SIPA1: variants seen among roughly 807,000 people sequenced by gnomAD.
The protein encoded by SIPA1 is signal-induced proliferation-associated 1.
A neutral mutation model predicts 88.1 loss-of-function variants in SIPA1; 51 were observed. The observed-to-expected ratio is 0.58, with a 90% confidence interval of 0.46 to 0.73. The LOEUF (loss-of-function observed/expected upper bound fraction) is 0.73. SIPA1 is among the 30% of genes least tolerant of loss of function. The probability of loss-of-function intolerance (pLI) is 0.00; values close to 1 mark genes in which losing one functional copy is unlikely to be tolerated. For missense variants in SIPA1, 1,348 were observed against 1,467.6 expected, an observed-to-expected ratio of 0.92 and a Z score of 1.33; for synonymous variants, 681 against 664.8, an observed-to-expected ratio of 1.02 and a Z score of -0.37.
In SIPA1 at chr11:65,641,390, G is replaced by A; in HGVS notation, c.469G>A (p.Asp157Asn). ...AGCCGAGGACCAGGCTGCCAGCTCG[G>A]ACCTGCTGCATGGGGCACCTGGCTT... ...ASAEDQAASSDLLHGAPGFVC... is the reference protein window; with the variant it reads ...ASAEDQAASSNLLHGAPGFVC... Residue 157 changes from aspartate to asparagine, a missense_variant, in exon 2 of 16, where the codon GAC (aspartate) becomes AAC (asparagine). Asp to Asn is a conservative substitution (Grantham distance 23, BLOSUM62 1). Coordinates refer to ENST00000534313, the MANE Select transcript of SIPA1 (RefSeq NM_006747.4). The A allele has an allele frequency of 1.9e-6, 3 of 1,613,234 alleles. No individual in the cohort carries two copies. The South Asian group carries it at 3.3e-5, about 18-fold the overall frequency.
chr11:65,640,892 C>T lies in SIPA1; in HGVS notation c.-30C>T. 1 of 1,458,292 alleles carries T rather than the reference C, an allele frequency of 6.9e-7. No homozygotes were observed. Among genetic ancestry groups the T allele is most frequent in the Non-Finnish European group, 9.0e-7 (1 of 1,114,204 alleles). 90.3% of individuals were successfully genotyped at this position (1,458,292 alleles called of 1,614,324 possible). A position where few individuals can be genotyped will look rare whatever the true frequency, so the allele number is the denominator to read the frequency against. Reference sequence around the variant, plus strand: ...AAACACCCGTGCCCGCCAATGCGGCCCAGCCCCCGGAGAGTCAGGCCCACA... The same window carrying T: ...AAACACCCGTGCCCGCCAATGCGGCTCAGCCCCCGGAGAGTCAGGCCCACA... On this transcript the variant is annotated 5_prime_UTR_variant, in exon 2 of 16. Transcript: ENST00000534313.
intron 4 of SIPA1, among the ~76,000 whole-genome samples, chr11:65,644,661 C>G (rs576836249): frequency 6.6e-6 from 1 of 151,916 alleles, no homozygotes; most frequent in East Asian, 1.9e-4. Flanking sequence ...GTGCAGAGGA[C>G]AGTCCAGCCT....
In SIPA1 at chr11:65,646,651, G is replaced by C; in HGVS notation, c.1617G>C (p.Leu539=). 6.5e-7 allele frequency: 1 copy of C among 1,548,224 alleles called. No homozygotes were observed. The highest frequency in any genetic ancestry group is 1.2e-5 in the South Asian group (1 of 84,780). ...TRTRQQYLQD[L]ATNEVTTTSL... Reference sequence around the variant, plus strand: ...CCCGCCAGCAGTACCTGCAAGACCTGGCCACCAACGAGGTGACCACTACGT... The same window carrying C: ...CCCGCCAGCAGTACCTGCAAGACCTCGCCACCAACGAGGTGACCACTACGT... Residue 539 remains leucine, a synonymous_variant, in exon 8 of 16, where the codon CTG becomes CTC. Transcript: ENST00000534313. This position sits in a 1 kb window ranked among gnomAD's most constrained non-coding sequence, Gnocchi z 7.5.
intron 4 of SIPA1, among the ~76,000 whole-genome samples, chr11:65,643,470 C>A (rs1856048560): frequency 6.6e-6 from 1 of 152,216 alleles, no homozygotes; most frequent in Non-Finnish European, 1.5e-5. Flanking sequence ...ATTTCTTAGA[C>A]CTTTTTGGTG....
intron 9 of SIPA1, among the ~76,000 whole-genome samples, chr11:65,648,518 T>C (rs1856183440): frequency 6.6e-6 from 1 of 152,204 alleles, no homozygotes; most frequent in African/African-American, 2.4e-5. Flanking sequence ...AAATATTCTT[T>C]TGATTTTTCC....
Position 65,643,850 on chromosome 11 carries a change from G to A in SIPA1, c.985-1105G>A, listed in dbSNP as rs150818718. On this transcript the variant is annotated intron_variant, in intron 4 of 15. Transcript: ENST00000534313. ...GGGGGAGAAGCTTGCATTTGTTCCCGTGGACACTGGGGAGCCATGGAGGGA... is the reference window on the plus strand; with the variant it reads ...GGGGGAGAAGCTTGCATTTGTTCCCATGGACACTGGGGAGCCATGGAGGGA... Among the ~76,000 whole-genome samples the A allele has an allele frequency of 9.8e-3, 1,497 of 152,252 alleles. 14 individuals carry two copies. The highest frequency in any genetic ancestry group is 0.015 in the Non-Finnish European group (1,011 of 68,010).
rs377679733 is a variant in SIPA1, at chr11:65,641,281, C to T, written c.360C>T (p.Asp120=). 9.3e-6 allele frequency: 15 copies of T among 1,613,538 alleles called. No homozygotes were observed. The highest frequency in any genetic ancestry group is 5.0e-5 in the Admixed American group (3 of 60,012). ...VLEPRWFAHY[D]VQSLLFDWAP... is the part of the protein sequence containing the mutation. The stretch of plus-strand genomic sequence containing the variant: ...AGCCTCGATGGTTTGCCCACTATGA[C>T]GTGCAAAGCCTGCTCTTTGATTGGG... The change falls in exon 2 of 16, where the codon GAC becomes GAT. Residue 120 remains aspartate, a synonymous_variant. Coordinates refer to ENST00000534313, the MANE Select transcript of SIPA1 (RefSeq NM_006747.4).
chr11:65,645,174 G>A lies in SIPA1; in HGVS notation c.1159+45G>A, dbSNP rs761545489. The A allele has an allele frequency of 1.8e-5, 29 of 1,568,646 alleles. No individual in the cohort carries two copies. The South Asian group carries it at 3.0e-4, about 16-fold the overall frequency. On this transcript the variant is annotated intron_variant, in intron 5 of 15. Coordinates refer to ENST00000534313, the MANE Select transcript of SIPA1 (RefSeq NM_006747.4). ...GGGGTGGGAGCAGATCTGTGCTGAA[G>A]GGGTGAGCACAAATTGCCTTGTCAC...
rs1227067026 is a variant in SIPA1 at position 65,641,190 on chromosome 11, C to G, written c.269C>G (p.Thr90Ser). 2.5e-6 allele frequency: 4 copies of G among 1,611,358 alleles called. No homozygotes were observed. In the Admixed American group the frequency reaches 6.7e-5, roughly 27 times the overall value. Residue 90 changes from threonine to serine, a missense_variant, in exon 2 of 16, where the codon ACT becomes AGT. Physicochemically the swap from Thr to Ser is moderately conservative, Grantham distance 58 (BLOSUM62 1). Transcript: ENST00000534313. ...GCAGCCACTTCCACCCGGCTCTTCA[C>G]TGACCCGCTGGCACTGCTGGGGCTG... ...RPAATSTRLFTDPLALLGLPA... is the reference protein window; with the variant it reads ...RPAATSTRLFSDPLALLGLPA...
intron 9 of SIPA1, 45 bp from the exon 10 acceptor site, chr11:65,649,217 G>A (rs1039131734): frequency 1.5e-6 from 2 of 1,372,896 alleles, no homozygotes; most frequent in Non-Finnish European, 2.0e-6. Flanking sequence ...GATGCAGGAC[G>A]CTGGGGACTG....
rs769263558 is a variant in SIPA1 at position 65,647,466 on chromosome 11, A to C, written c.2114A>C (p.Glu705Ala). 2.2e-5 allele frequency: 32 copies of C among 1,480,676 alleles called. No homozygotes were observed. In the South Asian group the frequency reaches 3.9e-4, roughly 18 times the overall value. 91.7% of individuals were successfully genotyped at this position (1,480,676 alleles called of 1,614,324 possible). A position where few individuals can be genotyped will look rare whatever the true frequency, so the allele number is the denominator to read the frequency against. Residue 705 changes from glutamate to alanine, a missense_variant, in exon 9 of 16, where the codon GAG (glutamate) becomes GCG (alanine). Glu to Ala is a moderately radical substitution (Grantham distance 107). This residue lies in a region of SIPA1 where 615 missense variants were observed against 559.8 expected (regional missense o/e 1.10). Coordinates refer to ENST00000534313, the MANE Select transcript of SIPA1 (RefSeq NM_006747.4). ...CGCCTGGGCTTCGAGGTGGACGCCG[A>C]GGGATTCGTCACGCACGTGGAGCGC... The part of the protein sequence containing the change: ...QGRLGFEVDA[E>A]GFVTHVERFT...
At position 65,649,612 on chromosome 11, in the gene SIPA1, C is replaced by T. The variant is rs1240167156; in HGVS notation, c.2577C>T (p.Leu859=). The change falls in exon 11 of 16, where the codon CTC becomes CTT. Residue 859 remains leucine (L), a synonymous_variant. Coordinates refer to ENST00000534313, the MANE Select transcript of SIPA1 (RefSeq NM_006747.4). ...PVLPNTTPDL[L]LATTAKPSVP... ...TGCCCAACACCACCCCGGACCTCCTCCTGGCCACCACAGCCAAGCCATCAG... is the reference window on the plus strand; with the variant it reads ...TGCCCAACACCACCCCGGACCTCCTTCTGGCCACCACAGCCAAGCCATCAG... 3 of 1,614,162 alleles carry T rather than the reference C, an allele frequency of 1.9e-6. No homozygotes were observed. The highest frequency in any genetic ancestry group is 2.5e-6 in the Non-Finnish European group (3 of 1,180,032).
At chr11:65,645,715 G>A (rs1010607517) in intron 5 of SIPA1, 139 bp from the exon 6 acceptor site, 3 of 587,798 alleles carry the variant, frequency 5.1e-6, no homozygotes, top group Non-Finnish European at 9.1e-6. Flanking sequence ...CGCTGGCTGG[G>A]CATTGGCTGG....
chr11:65,642,094 A>C lies in SIPA1; in HGVS notation c.680-156A>C. ...TCTGGGTCAGGGTTGAGATCAAGATATTGAGCTCGGGGCTACAGAGGGGCG... is the reference window on the plus strand; with the variant it reads ...TCTGGGTCAGGGTTGAGATCAAGATCTTGAGCTCGGGGCTACAGAGGGGCG... On this transcript the variant is annotated intron_variant, in intron 2 of 15. Transcript: ENST00000534313. The surrounding 1 kb of genome is among the most constrained non-coding windows in gnomAD (Gnocchi z 6.5). 1 of 1,080,226 alleles carries C rather than the reference A, an allele frequency of 9.3e-7. No individual in the cohort carries two copies. The highest frequency in any genetic ancestry group is 1.3e-6 in the Non-Finnish European group (1 of 758,970). The allele number at this position is 1,080,226 out of a possible 1,614,324, so 66.9% of individuals were successfully genotyped here.
chr11:65,641,729 A>T, intron 2 of SIPA1, 129 bp downstream of exon 2: 3 of 880,382 alleles, frequency 3.4e-6, no homozygotes, highest in Non-Finnish European at 5.1e-6. Flanking sequence ...GGAGGGCTCA[A>T]GAGCTGAGCT....
Position 65,642,575 on chromosome 11 carries a change from G to A in SIPA1, c.920G>A (p.Cys307Tyr), listed in dbSNP as rs148141070. Residue 307 changes from cysteine to tyrosine, a missense_variant, in exon 4 of 16, where the codon TGC becomes TAC. Cys to Tyr is a radical substitution (Grantham distance 194, BLOSUM62 -2). Coordinates refer to ENST00000534313, the MANE Select transcript of SIPA1 (RefSeq NM_006747.4). The surrounding 1 kb of genome is among the most constrained non-coding windows in gnomAD (Gnocchi z 6.5). ...EHVAPQLSPS[C>Y]LRLGSASPKV... Reference sequence around the variant, plus strand: ...GTGGCGCCGCAGCTGAGCCCCAGCTGCCTGCGCCTGGGCTCAGCTTCACCC... The same window carrying A: ...GTGGCGCCGCAGCTGAGCCCCAGCTACCTGCGCCTGGGCTCAGCTTCACCC... 53 of 1,598,690 alleles carry A rather than the reference G, an allele frequency of 3.3e-5. No homozygotes were observed. The African/African-American group carries it at 6.7e-4, about 20-fold the overall frequency.
intron 4 of SIPA1, among the ~76,000 whole-genome samples, chr11:65,644,618 A>G (rs1295247969): frequency 1.3e-5 from 2 of 149,894 alleles, no homozygotes. Flanking sequence ...CCTGGCCTGC[A>G]GGGGCTGGGG....
Position 65,647,480 on chromosome 11 carries a change from C to A in SIPA1, c.2128C>A (p.His710Asn). 1.4e-6 allele frequency: 2 copies of A among 1,463,786 alleles called. No homozygotes were observed. The highest frequency in any genetic ancestry group is 2.5e-5 in the Admixed American group (1 of 39,304). The allele number at this position is 1,463,786 out of a possible 1,614,324, so 90.7% of individuals were successfully genotyped here. A position where few individuals can be genotyped will look rare whatever the true frequency, so the allele number is the denominator to read the frequency against. ...GGTGGACGCCGAGGGATTCGTCACG[C>A]ACGTGGAGCGCTTCACATTCGCCGA... ...FEVDAEGFVTHVERFTFAETA... is the reference protein window; with the variant it reads ...FEVDAEGFVTNVERFTFAETA... The change falls in exon 9 of 16, where the codon CAC (histidine) becomes AAC (asparagine). Residue 710 changes from histidine (H) to asparagine (N), a missense_variant. Transcript: ENST00000534313.
Position 65,642,765 on chromosome 11 carries a change from C to A in SIPA1, c.984+126C>A. ...TGGGTGGTGACCCCAGAAGAGCTGG[C>A]TTTTCAGAGACAGGGCATCAGAGTT... On this transcript the variant is annotated intron_variant, in intron 4 of 15. Coordinates refer to ENST00000534313, the MANE Select transcript of SIPA1 (RefSeq NM_006747.4). This position sits in a 1 kb window ranked among gnomAD's most constrained non-coding sequence, Gnocchi z 6.5. The A allele has an allele frequency of 1.1e-6, 1 of 888,448 alleles. No individual in the cohort carries two copies. The highest frequency in any genetic ancestry group is 1.6e-6 in the Non-Finnish European group (1 of 615,400). The allele number at this position is 888,448 out of a possible 1,614,324, so 55.0% of individuals were successfully genotyped here. A position where few individuals can be genotyped will look rare whatever the true frequency, so the allele number is the denominator to read the frequency against.
Sources: gnomAD v4.1 joint callset for allele counts (sites outside exome capture counted in the v4.1 genomes callset) on GRCh38, gnomAD v4.1.1 for gene constraint, gnomAD v4.1.1 regional missense constraint, Gnocchi (gnomAD v3.1) non-coding constraint, MANE v1.5 for transcripts, NCBI Gene and HGNC (gene_info 2026-07-23, HGNC 2026-07-21) for gene names.